Variants in HYDIN observed in about 807,000 individuals in gnomAD.
HYDIN encodes the protein HYDIN axonemal central pair apparatus protein, also known as axonemal central pair apparatus protein HYDIN.
A neutral mutation model predicts 403.9 loss-of-function variants in HYDIN; 132 were observed. The ratio of observed to expected loss-of-function variants is 0.33; its 90% CI spans 0.28 to 0.38. HYDIN has a LOEUF of 0.38. Among genes scored for constraint, HYDIN ranks in the 10% least tolerant of loss-of-function variants. HYDIN has a pLI of 1.00. For synonymous variants in HYDIN, 1,202 were observed against 1,891.7 expected, an observed-to-expected ratio of 0.64 and a Z score of 9.46; for missense variants, 2,827 against 5,009.5, an observed-to-expected ratio of 0.56 and a Z score of 13.15.
intron 1 of HYDIN, among the ~76,000 whole-genome samples, chr16:71,228,724 C>T (rs2041149532): frequency 1.3e-5 from 2 of 152,188 alleles, no homozygotes; most frequent in Admixed American, 1.3e-4. Context: ...TAAACTAGTT[C>T]AACCATTGTG....
chr16:70,927,956 A>G (rs1397910389), intron 45 of HYDIN, among the ~76,000 whole-genome samples: 1 of 152,032 alleles, frequency 6.6e-6, no homozygotes, highest in Non-Finnish European at 1.5e-5. Context: ...ACCTAAAAAA[A>G]AAAAACAAAA....
rs148559200 is a variant in HYDIN at position 71,064,892 on chromosome 16, C to T, written c.2076-52G>A. 1.3e-3 allele frequency: 2,031 copies of T among 1,591,934 alleles called. 19 individuals carry two copies. In the African/African-American group the frequency reaches 0.025, roughly 19 times the overall value. ...TCAAAACAGAGAGCTTGTTTACATA[C>T]AGAAAACGCAGAGCCCCAAGCGAGA... On this transcript the variant is annotated intron_variant, in intron 15 of 85. Transcript: ENST00000393567.
chr16:70,900,414 T>A (rs1482417131), intron 53 of HYDIN, among the ~76,000 whole-genome samples: 1 of 146,850 alleles, frequency 6.8e-6, no homozygotes, highest in Non-Finnish European at 1.5e-5. Context: ...GAGGTGGAGG[T>A]TGCAGTGAGC....
At chr16:70,938,788 A>G in intron 43 of HYDIN, 33 bp from the exon 44 acceptor site, 1 of 1,612,180 alleles carries the variant, frequency 6.2e-7, no homozygotes, top group East Asian at 2.2e-5. Flanking sequence ...AAGGTGAGGA[A>G]AAGTCCTTCT....
At chr16:70,948,383 G>A (rs948494792) in intron 41 of HYDIN, among the ~76,000 whole-genome samples, 1 of 152,050 alleles carries the variant, frequency 6.6e-6, no homozygotes, top group African/African-American at 2.4e-5. Context: ...TTACCATTCA[G>A]GACATAGGCA....
At chr16:70,982,143 A>G (rs1291926594) in intron 28 of HYDIN, among the ~76,000 whole-genome samples, 2 of 148,536 alleles carry the variant, frequency 1.3e-5, no homozygotes, top group East Asian at 3.9e-4. Context: ...AAAAAAAAAG[A>G]AAAAAAAAAG....
At chr16:71,053,306 A>T (rs2144240447) in intron 18 of HYDIN, among the ~76,000 whole-genome samples, 1 of 152,316 alleles carries the variant, frequency 6.6e-6, no homozygotes, top group Middle Eastern at 3.4e-3. Context: ...CTGAAGAGTC[A>T]ACAAATTCCA....
chr16:70,960,756 A>G (rs1056127241), intron 38 of HYDIN, among the ~76,000 whole-genome samples: 4 of 152,168 alleles, frequency 2.6e-5, no homozygotes, highest in African/African-American at 9.7e-5. Context: ...CAATGGCACA[A>G]TCTTGGCTCA....
intron 47 of HYDIN, among the ~76,000 whole-genome samples, chr16:70,914,116 T>A (rs1168243949): frequency 6.6e-6 from 1 of 152,112 alleles, no homozygotes; most frequent in Non-Finnish European, 1.5e-5. Context: ...GGCATTTACA[T>A]TCAATGTTAG....
Position 70,859,185 on chromosome 16 carries a change from G to A in HYDIN, c.12129+883C>T, listed in dbSNP as rs2795811. ...GCGTGGTGGCGGGCGCTTGTAGTCC[G>A]AGCTACTCGGAAGGCTGAGTCAGGA... is the stretch of plus-strand genomic sequence containing the variant. On this transcript the variant is annotated intron_variant, in intron 71 of 85. Transcript: ENST00000393567. Among the ~76,000 whole-genome samples, 354 of 152,092 alleles carry A rather than the reference G, an allele frequency of 2.3e-3. 3 individuals are homozygous for A. The highest frequency in any genetic ancestry group is 0.022 in the Admixed American group (340 of 15,274).
At chr16:71,047,444 G>C (rs529191820) in intron 18 of HYDIN, among the ~76,000 whole-genome samples, 1 of 151,912 alleles carries the variant, frequency 6.6e-6, no homozygotes, top group Non-Finnish European at 1.5e-5. Context: ...GTGGGGTTGG[G>C]GGTGGGGGTG....
intron 2 of HYDIN, among the ~76,000 whole-genome samples, chr16:71,185,975 A>C (rs899114705): frequency 1.3e-5 from 2 of 152,220 alleles, no homozygotes; most frequent in Admixed American, 6.5e-5. Flanking sequence ...AACTTGGTTA[A>C]GATCTTTTTG....
At chr16:70,989,659 G>T (rs2079282214) in intron 25 of HYDIN, among the ~76,000 whole-genome samples, 1 of 152,096 alleles carries the variant, frequency 6.6e-6, no homozygotes, top group East Asian at 1.9e-4. Context: ...AAAGTTGATT[G>T]TACATGATAC....
chr16:70,914,275 C>T (rs1389377709), intron 47 of HYDIN, among the ~76,000 whole-genome samples: 1 of 151,942 alleles, frequency 6.6e-6, no homozygotes, highest in East Asian at 1.9e-4. Flanking sequence ...TGATGTGTTT[C>T]CAGGATTTGT....
intron 23 of HYDIN, among the ~76,000 whole-genome samples, chr16:70,994,162 G>C (rs1437859163): frequency 2.6e-5 from 4 of 152,082 alleles, no homozygotes; most frequent in Non-Finnish European, 5.9e-5. Flanking sequence ...CTGTATGGAA[G>C]GAGGATCCAC....
At chr16:70,825,474 C>CAT (rs965962566) in intron 83 of HYDIN, among the ~76,000 whole-genome samples, 227 of 147,398 alleles carry the variant, frequency 1.5e-3, no homozygotes, top group Non-Finnish European at 1.9e-3. Context: ...GCTCCTATTA[C>CAT]ATATATATTA....
intron 1 of HYDIN, among the ~76,000 whole-genome samples, chr16:71,198,135 T>C (rs1216408964): frequency 6.6e-6 from 1 of 152,244 alleles, no homozygotes; most frequent in Non-Finnish European, 1.5e-5. Context: ...GAATCACATA[T>C]TATGTACGTT....
intron 10 of HYDIN, among the ~76,000 whole-genome samples, chr16:71,098,567 G>C (rs1160736803): frequency 6.6e-6 from 1 of 150,648 alleles, no homozygotes; most frequent in Non-Finnish European, 1.5e-5. Context: ...CTAGACTATT[G>C]GGAATAATTT....
intron 2 of HYDIN, 115 bp downstream of exon 2, chr16:71,186,646 T>G: frequency 1.2e-6 from 1 of 806,110 alleles, no homozygotes; most frequent in Non-Finnish European, 2.0e-6. Flanking sequence ...ATAACTAAAT[T>G]GATATTAATC....
Sources: allele counts gnomAD v4.1 joint callset (sites outside exome capture counted in the v4.1 genomes callset), GRCh38; gene constraint gnomAD v4.1.1; transcripts MANE v1.5; gene names NCBI Gene and HGNC (gene_info 2026-07-23, HGNC 2026-07-21).